The following HTRA3 variants were observed in gnomAD, a reference collection of about 807,000 sequenced individuals.
The protein encoded by HTRA3 is serine protease HTRA3.
HTRA3 carries 41 observed loss-of-function variants against 43.2 expected under a neutral mutation model. The ratio of observed to expected loss-of-function variants is 0.95; its 90% CI spans 0.74 to 1.23. HTRA3 has a LOEUF of 1.23. HTRA3 is among the 50% of genes most tolerant of loss of function. The pLI is 0.00. For synonymous variants in HTRA3, 295 were observed against 287.9 expected (o/e 1.02, Z -0.25); for missense variants, 628 against 647.1 (o/e 0.97, Z 0.32).
chr4:8,295,797 G>T lies in HTRA3; in HGVS notation c.1051+1596G>T. 1.6e-6 allele frequency: 2 copies of T among 1,262,456 alleles called. No homozygotes were observed. The highest frequency in any genetic ancestry group is 3.0e-5 in the South Asian group (1 of 33,780). The allele number at this position is 1,262,456 out of a possible 1,614,324, so 78.2% of individuals were successfully genotyped here. On this transcript the variant is annotated intron_variant, in intron 6 of 8. Coordinates refer to ENST00000307358, the MANE Select transcript of HTRA3 (RefSeq NM_053044.5). The surrounding 1 kb of genome is among the most constrained non-coding windows in gnomAD (Gnocchi z 6.9). ...CATGGACCCCAGTGCAGCCAAGGCT[G>T]GTGCCATGAGGGCTGGTCACATGAA...
Position 8,297,731 on chromosome 4 carries a change from T to A in HTRA3, c.1051+3530T>A, listed in dbSNP as rs778490029. ...TGGGCTGTGCAGGTCCTGTCGAGGA[T>A]CCCACCCCCTGGATTTAGAAGCCAC... On this transcript the variant is annotated intron_variant, in intron 6 of 8. Coordinates refer to ENST00000307358, the MANE Select transcript of HTRA3 (RefSeq NM_053044.5). This position sits in a 1 kb window ranked among gnomAD's most constrained non-coding sequence, Gnocchi z 5.8. Among the ~76,000 whole-genome samples, 8 of 152,002 alleles carry A rather than the reference T, an allele frequency of 5.3e-5. No homozygotes were observed. Among genetic ancestry groups the A allele is most frequent in the Non-Finnish European group, 1.2e-4 (8 of 67,976 alleles).
Position 8,296,354 on chromosome 4 carries a change from T to A in HTRA3, c.1051+2153T>A, listed in dbSNP as rs1318523119. On this transcript the variant is annotated intron_variant, in intron 6 of 8. Coordinates refer to ENST00000307358, the MANE Select transcript of HTRA3 (RefSeq NM_053044.5). This position sits in a 1 kb window ranked among gnomAD's most constrained non-coding sequence, Gnocchi z 5.3. ...TCCCCTCCCCAAGGACAGTGCAGAC[T>A]AACTGAGGAGCCTGATAAACCTTAG... The A allele has an allele frequency of 1.3e-4, 127 of 985,346 alleles. No individual in the cohort carries two copies. Among genetic ancestry groups the A allele is most frequent in the Non-Finnish European group, 1.3e-4 (112 of 829,958 alleles). 61.0% of individuals were successfully genotyped at this position (985,346 alleles called of 1,614,324 possible).
Position 8,279,830 on chromosome 4 carries a change from C to T in HTRA3, c.386-2607C>T, listed in dbSNP as rs1310027336. On this transcript the variant is annotated intron_variant, in intron 1 of 8. Transcript: ENST00000307358. This position sits in a 1 kb window ranked among gnomAD's most constrained non-coding sequence, Gnocchi z 7.4. Reference sequence around the variant, plus strand: ...ACCTCTGCACTCACCCACCCCACGCCGGGCTCCTCTCTGCCTCATCCCTGG... The same window carrying T: ...ACCTCTGCACTCACCCACCCCACGCTGGGCTCCTCTCTGCCTCATCCCTGG... Among the ~76,000 whole-genome samples the T allele has an allele frequency of 6.6e-6, 1 of 152,174 alleles. No individual in the cohort carries two copies. The highest frequency in any genetic ancestry group is 1.5e-5 in the Non-Finnish European group (1 of 68,030).
At chr4:8,280,567 G>A (rs1347804687) in intron 1 of HTRA3, among the ~76,000 whole-genome samples, 1 of 152,208 alleles carries the variant, frequency 6.6e-6, no homozygotes, top group African/African-American at 2.4e-5. Flanking sequence ...GGAGCCGCCT[G>A]CTTTGTAGGT....
intron 1 of HTRA3, among the ~76,000 whole-genome samples, chr4:8,278,501 A>T (rs1712617971): frequency 6.6e-6 from 1 of 152,076 alleles, no homozygotes; most frequent in Non-Finnish European, 1.5e-5. Flanking sequence ...ACCCCCAAAT[A>T]AACAGAGTCT....
intron 8 of HTRA3, among the ~76,000 whole-genome samples, chr4:8,304,918 C>T (rs972595320): frequency 6.6e-6 from 1 of 152,164 alleles, no homozygotes; most frequent in Non-Finnish European, 1.5e-5. Context: ...CTTGGCCTCC[C>T]AAAGTGCTGG....
At position 8,279,739 on chromosome 4, in the gene HTRA3, G is replaced by A. The variant is rs1712670290; in HGVS notation, c.386-2698G>A. 6.6e-6 allele frequency among the ~76,000 whole-genome samples: 1 copy of A among 152,192 alleles called. No individual in the cohort carries two copies. Among genetic ancestry groups the A allele is most frequent in the African/African-American group, 2.4e-5 (1 of 41,436 alleles). On this transcript the variant is annotated intron_variant, in intron 1 of 8. Transcript: ENST00000307358. The surrounding 1 kb of genome is among the most constrained non-coding windows in gnomAD (Gnocchi z 7.4). ...GTGGCTGCCTGCACAGGCAATGCGG[G>A]CTCAGCCTGTGGCTTTCCATGTGCT...
intron 1 of HTRA3, among the ~76,000 whole-genome samples, chr4:8,270,674 C>A (rs1318504031): frequency 6.6e-6 from 1 of 152,216 alleles, no homozygotes; most frequent in Non-Finnish European, 1.5e-5. Flanking sequence ...GATCCTTGGA[C>A]CCCTGCTCTG....
chr4:8,282,603 G>C, intron 2 of HTRA3, 67 bp downstream of exon 2: 1 of 1,256,620 alleles, frequency 8.0e-7, no homozygotes, highest in Admixed American at 1.8e-5. Flanking sequence ...AGCTGCTGGG[G>C]CCCAAACCAG....
At chr4:8,272,324 A>G (rs1712313912) in intron 1 of HTRA3, among the ~76,000 whole-genome samples, 2 of 152,190 alleles carry the variant, frequency 1.3e-5, no homozygotes, top group Non-Finnish European at 2.9e-5. Context: ...TCGAGGGGAC[A>G]GAAGGGAGGA....
chr4:8,270,409 G>A, intron 1 of HTRA3, 56 bp downstream of exon 1: 1 of 1,360,174 alleles, frequency 7.4e-7, no homozygotes. Context: ...GGGAAACTAA[G>A]GCCGGGAGTT....
rs1248991131 is a variant in HTRA3, at chr4:8,296,830, G to C, written c.1051+2629G>C. The stretch of plus-strand genomic sequence containing the variant: ...TTATCCTGTGGCCCACAAGCCAAGG[G>C]AGAGCTGTAGGGAGGGGAGGGGACA... On this transcript the variant is annotated intron_variant, in intron 6 of 8. Coordinates refer to ENST00000307358, the MANE Select transcript of HTRA3 (RefSeq NM_053044.5). The surrounding 1 kb of genome is among the most constrained non-coding windows in gnomAD (Gnocchi z 5.3). Among the ~76,000 whole-genome samples the C allele has an allele frequency of 6.6e-6, 1 of 152,194 alleles. No homozygotes were observed. The highest frequency in any genetic ancestry group is 1.9e-4 in the East Asian group (1 of 5,168).
intron 3 of HTRA3, among the ~76,000 whole-genome samples, chr4:8,288,888 TCCTTCCGTCCG>T (rs1184470696): frequency 2.0e-5 from 2 of 101,300 alleles, no homozygotes; most frequent in African/African-American, 7.1e-5. Flanking sequence ...TTTCCTTCCT[TCCTTCCGTCCG>T]TCCTTCCTTC....
Position 8,302,316 on chromosome 4 carries a change from C to T in HTRA3, c.1052-147C>T, listed in dbSNP as rs1022497972. The T allele has an allele frequency of 3.0e-5, 22 of 722,716 alleles. 1 individual carries two copies. The highest frequency in any genetic ancestry group is 2.4e-4 in the Middle Eastern group (1 of 4,142). The allele number at this position is 722,716 out of a possible 1,614,324, so 44.8% of individuals were successfully genotyped here. A position where few individuals can be genotyped will look rare whatever the true frequency, so the allele number is the denominator to read the frequency against. On this transcript the variant is annotated intron_variant, in intron 6 of 8. Coordinates refer to ENST00000307358, the MANE Select transcript of HTRA3 (RefSeq NM_053044.5). ...TCAGGAGAGGGCAGCTTTGCTGGAC[C>T]GCAGGGGGACTGGGCCAGCTCAAGC...
rs539018943 is a variant in HTRA3 at position 8,294,488 on chromosome 4, C to G, written c.1051+287C>G. 1.5e-4 allele frequency among the ~76,000 whole-genome samples: 23 copies of G among 151,800 alleles called. No individual in the cohort carries two copies. In the East Asian group the frequency reaches 4.5e-3, roughly 30 times the overall value. On this transcript the variant is annotated intron_variant, in intron 6 of 8. Transcript: ENST00000307358. ...GGCTGGGGAATCTCCGAGCTCAGCT[C>G]CCACCATCAGCTTCCTGGACTCCCT... is the stretch of plus-strand genomic sequence containing the variant.
In HTRA3 at chr4:8,286,959, C is replaced by A. The variant is rs1470667498; in HGVS notation, c.708+176C>A. Among the ~76,000 whole-genome samples the A allele has an allele frequency of 6.6e-6, 1 of 152,154 alleles. No individual in the cohort carries two copies. Among genetic ancestry groups the A allele is most frequent in the South Asian group, 2.1e-4 (1 of 4,826 alleles). ...GTCACGGCTTGGAAAAGACCTAGAA[C>A]CCAGGTCTTTGGACTCCTTGTCCTG... On this transcript the variant is annotated intron_variant, in intron 3 of 8. Transcript: ENST00000307358. This position sits in a 1 kb window ranked among gnomAD's most constrained non-coding sequence, Gnocchi z 4.9.
At chr4:8,289,140 G>T (rs1713124344) in intron 3 of HTRA3, among the ~76,000 whole-genome samples, 1 of 151,604 alleles carries the variant, frequency 6.6e-6, no homozygotes, top group Non-Finnish European at 1.5e-5. Flanking sequence ...GGTAGAGATA[G>T]GGTCTCGCTG....
In HTRA3 at chr4:8,306,043, G is replaced by A. The variant is rs150301817; in HGVS notation, c.1269G>A (p.Gln423=). 4.3e-6 allele frequency: 7 copies of A among 1,613,026 alleles called. No homozygotes were observed. In the African/African-American group the frequency reaches 5.4e-5, roughly 12 times the overall value. The change falls in exon 9 of 9, where the codon CAG becomes CAA. Residue 423 remains glutamine (Q), a synonymous_variant. Transcript: ENST00000307358. The surrounding 1 kb of genome is among the most constrained non-coding windows in gnomAD (Gnocchi z 8.9). ...GRPLVDSSEL[Q]EAVLTESPLL... is the part of the protein sequence containing the mutation. Reference sequence around the variant, plus strand: ...CTCTAGTGGACTCGAGTGAGCTGCAGGAGGCCGTGCTGACCGAGTCTCCTC... The same window carrying A: ...CTCTAGTGGACTCGAGTGAGCTGCAAGAGGCCGTGCTGACCGAGTCTCCTC...
In HTRA3 at chr4:8,306,198, C is replaced by A. The variant is rs560413560; in HGVS notation, c.*62C>A. 40 of 1,489,896 alleles carry A rather than the reference C, an allele frequency of 2.7e-5. 2 individuals carry two copies. In the African/African-American group the frequency reaches 3.5e-4, roughly 13 times the overall value. 92.3% of individuals were successfully genotyped at this position (1,489,896 alleles called of 1,614,324 possible). On this transcript the variant is annotated 3_prime_UTR_variant, in exon 9 of 9. Transcript: ENST00000307358. This position sits in a 1 kb window ranked among gnomAD's most constrained non-coding sequence, Gnocchi z 8.9. Reference sequence around the variant, plus strand: ...CAGACAACGGAGGGCAGCGCCCCCCCGAGATCAGGACGAAGGACCACCGTC... The same window carrying A: ...CAGACAACGGAGGGCAGCGCCCCCCAGAGATCAGGACGAAGGACCACCGTC...
Sources: allele counts gnomAD v4.1 joint callset (sites outside exome capture counted in the v4.1 genomes callset), GRCh38; gene constraint gnomAD v4.1.1; non-coding constraint Gnocchi (gnomAD v3.1); transcripts MANE v1.5; gene names NCBI Gene and HGNC (gene_info 2026-07-23, HGNC 2026-07-21).